Variants in SPHKAP observed in about 807,000 individuals in gnomAD.
SPHKAP encodes the protein SPHK1 interactor, AKAP domain containing, also known as A-kinase anchor protein SPHKAP.
Under a neutral mutation model 137.5 loss-of-function variants are expected in SPHKAP, and 67 were observed. The ratio of observed to expected loss-of-function variants is 0.49; its 90% CI spans 0.40 to 0.60. The LOEUF (loss-of-function observed/expected upper bound fraction) is 0.60, where lower values mean the gene tolerates loss of function less well. Among genes scored for constraint, SPHKAP ranks in the 20% least tolerant of loss-of-function variants. SPHKAP has a pLI of 0.00. For synonymous variants in SPHKAP, 813 were observed against 785.3 expected (o/e 1.04, Z -0.59); for missense variants, 2,097 against 2,069.3 (o/e 1.01, Z -0.26).
rs764260033 is a variant in SPHKAP, at chr2:228,038,729, C to T, written c.247-11186G>A. On this transcript the variant is annotated intron_variant, in intron 3 of 11. Coordinates refer to ENST00000392056, the MANE Select transcript of SPHKAP (RefSeq NM_001142644.2). ...CAGGCCCTGTCCATCACTGGATTCC[C>T]AGTGCTCAGCATGGTGCCAGGCATC... Among the ~76,000 whole-genome samples, 160 of 152,178 alleles carry T rather than the reference C, an allele frequency of 1.1e-3. 3 individuals carry two copies. The highest frequency in any genetic ancestry group is 3.1e-4 in the Non-Finnish European group (21 of 68,022).
chr2:228,054,594 C>A (rs189762062), intron 3 of SPHKAP, among the ~76,000 whole-genome samples: 2 of 152,218 alleles, frequency 1.3e-5, no homozygotes, highest in African/African-American at 4.8e-5. Flanking sequence ...CAGGGAGATT[C>A]ATAAAATACA....
chr2:228,017,359 T>C lies in SPHKAP; in HGVS notation c.3495A>G (p.Gln1165=). The change falls in exon 7 of 12, where the codon CAA becomes CAG. Residue 1165 remains glutamine, a synonymous_variant. Coordinates refer to ENST00000392056, the MANE Select transcript of SPHKAP (RefSeq NM_001142644.2). ...NASSILNSAM[Q]QACRKSDHLS... ...GGTGGTCACTTTTCCGGCACGCCTG[T>C]TGCATGGCTGAGTTCAGAATGCTGC... 6.2e-7 allele frequency: 1 copy of C among 1,613,872 alleles called. No homozygotes were observed. Among genetic ancestry groups the C allele is most frequent in the Non-Finnish European group, 8.5e-7 (1 of 1,179,888 alleles).
rs1247777218 is a variant in SPHKAP, at chr2:228,018,101, G to C, written c.2753C>G (p.Thr918Arg). ...LLLPAQSTLQ[T>R]KHPDIYCITD... ...AATGCAGTAGATGTCTGGATGCTTT[G>C]TTTGAAGCGTGGATTGAGCAGGAAG... Residue 918 changes from threonine to arginine, a missense_variant, in exon 7 of 12, where the codon ACA becomes AGA. Physicochemically the swap from Thr to Arg is moderately conservative, Grantham distance 71. Coordinates refer to ENST00000392056, the MANE Select transcript of SPHKAP (RefSeq NM_001142644.2). 1 of 1,614,058 alleles carries C rather than the reference G, an allele frequency of 6.2e-7. No homozygotes were observed. Among genetic ancestry groups the C allele is most frequent in the African/African-American group, 1.3e-5 (1 of 74,930 alleles).
At chr2:228,095,067 T>G (rs1255262434) in intron 3 of SPHKAP, among the ~76,000 whole-genome samples, 2 of 152,152 alleles carry the variant, frequency 1.3e-5, no homozygotes, top group Admixed American at 1.3e-4. Flanking sequence ...AGGGAGAAAG[T>G]GTGTTTCTCA....
chr2:228,157,701 A>C (rs946944554), intron 1 of SPHKAP, among the ~76,000 whole-genome samples: 1 of 152,040 alleles, frequency 6.6e-6, no homozygotes, highest in Non-Finnish European at 1.5e-5. Context: ...TTTTGCGGGG[A>C]AGCTTACGGA....
chr2:228,133,149 T>C (rs910223719), intron 1 of SPHKAP, among the ~76,000 whole-genome samples: 2 of 150,310 alleles, frequency 1.3e-5, no homozygotes, highest in African/African-American at 4.9e-5. Flanking sequence ...TCTCCTAAAA[T>C]ACAAAAAATT....
At chr2:228,061,446 A>C (rs2106287236) in intron 3 of SPHKAP, among the ~76,000 whole-genome samples, 1 of 151,848 alleles carries the variant, frequency 6.6e-6, no homozygotes, top group East Asian at 1.9e-4. Flanking sequence ...TTTTGTATGT[A>C]TTTTTAGTAG....
intron 3 of SPHKAP, among the ~76,000 whole-genome samples, chr2:228,064,465 G>A (rs1173644220): frequency 6.6e-6 from 1 of 152,084 alleles, no homozygotes; most frequent in African/African-American, 2.4e-5. Context: ...ATTTGAAAAT[G>A]TTATTTTCAG....
In SPHKAP at chr2:228,027,523, A is replaced by G. The variant is rs765674996; in HGVS notation, c.267T>C (p.Asp89=). The change falls in exon 4 of 12, where the codon GAT becomes GAC. Residue 89 remains aspartate, a synonymous_variant. Transcript: ENST00000392056. ...NCASVCFVNL[D]VNKDECSTEH... ...CTGTGCTGCATTCATCCTTGTTCAC[A>G]TCAAGATTCACAAAGCAGACCTGGG... 2 of 1,614,010 alleles carry G rather than the reference A, an allele frequency of 1.2e-6. No individual in the cohort carries two copies. The highest frequency in any genetic ancestry group is 1.1e-5 in the South Asian group (1 of 91,074).
At chr2:228,114,820 C>T (rs894408402) in intron 2 of SPHKAP, among the ~76,000 whole-genome samples, 3 of 152,098 alleles carry the variant, frequency 2.0e-5, no homozygotes, top group African/African-American at 7.2e-5. Flanking sequence ...ATCAGTCAAC[C>T]AATGCTCATT....
intron 3 of SPHKAP, among the ~76,000 whole-genome samples, chr2:228,094,685 A>G (rs1180284991): frequency 1.3e-5 from 2 of 152,174 alleles, no homozygotes; most frequent in Non-Finnish European, 2.9e-5. Context: ...ATCCAGTTCA[A>G]CTAAAAAGTA....
intron 3 of SPHKAP, among the ~76,000 whole-genome samples, chr2:228,095,008 G>A (rs1409320357): frequency 1.3e-5 from 2 of 152,292 alleles, no homozygotes; most frequent in Non-Finnish European, 2.9e-5. Context: ...CACATAGCCA[G>A]AATTGCAAAA....
intron 1 of SPHKAP, among the ~76,000 whole-genome samples, chr2:228,163,325 C>CGAGA (rs367853190): frequency 6.7e-6 from 1 of 150,322 alleles, no homozygotes; most frequent in Non-Finnish European, 1.5e-5. Flanking sequence ...AGAGAGAAAA[C>CGAGA]GAGAGAGAGA....
intron 1 of SPHKAP, among the ~76,000 whole-genome samples, chr2:228,152,809 T>C (rs1699976159): frequency 6.6e-6 from 1 of 152,092 alleles, no homozygotes; most frequent in Non-Finnish European, 1.5e-5. Context: ...ATCCTCCTCC[T>C]GGTAAGTACA....
In SPHKAP at chr2:228,018,132, G is replaced by A. The variant is rs774510131; in HGVS notation, c.2722C>T (p.Leu908=). The A allele has an allele frequency of 6.2e-7, 1 of 1,614,138 alleles. No homozygotes were observed. The highest frequency in any genetic ancestry group is 8.5e-7 in the Non-Finnish European group (1 of 1,180,020). ...AGCGTGGATTGAGCAGGAAGCAGCA[G>A]GTCATCCCCTAACAAGGACAGGTTG... ...QVNLSLLGDD[L]LLPAQSTLQT... Residue 908 remains leucine (L), a synonymous_variant, in exon 7 of 12, where the codon CTG becomes TTG. Transcript: ENST00000392056.
At chr2:228,103,346 C>T (rs1051543410) in intron 3 of SPHKAP, among the ~76,000 whole-genome samples, 3 of 152,198 alleles carry the variant, frequency 2.0e-5, no homozygotes, top group African/African-American at 7.2e-5. Context: ...TGGGGTTTCC[C>T]ACTCTGCCTC....
At position 228,038,626 on chromosome 2, in the gene SPHKAP, T is replaced by A. The variant is rs535623326; in HGVS notation, c.247-11083A>T. Among the ~76,000 whole-genome samples, 10 of 152,354 alleles carry A rather than the reference T, an allele frequency of 6.6e-5. No individual in the cohort carries two copies. The South Asian group carries it at 1.7e-3, about 25-fold the overall frequency. On this transcript the variant is annotated intron_variant, in intron 3 of 11. Coordinates refer to ENST00000392056, the MANE Select transcript of SPHKAP (RefSeq NM_001142644.2). ...AAGGATTTTTTTAAGTATGTATTTT[T>A]ACATAATTATCCTTTTTTCTTGAAC... is the stretch of plus-strand genomic sequence containing the variant.
At chr2:228,020,688 C>T (rs559871954) in intron 6 of SPHKAP, among the ~76,000 whole-genome samples, 11 of 151,994 alleles carry the variant, frequency 7.2e-5, no homozygotes, top group African/African-American at 2.7e-4. Context: ...GCATGTTGTG[C>T]ACATGTAGCC....
At chr2:228,110,537 T>C (rs988609252) in intron 2 of SPHKAP, among the ~76,000 whole-genome samples, 1 of 152,214 alleles carries the variant, frequency 6.6e-6, no homozygotes, top group African/African-American at 2.4e-5. Context: ...CCTAAACTGG[T>C]TCTTAAAGCA....
Sources: allele counts gnomAD v4.1 joint callset (sites outside exome capture counted in the v4.1 genomes callset), GRCh38; gene constraint gnomAD v4.1.1; transcripts MANE v1.5; gene names NCBI Gene and HGNC (gene_info 2026-07-23, HGNC 2026-07-21).